PPM1L: variants seen among roughly 807,000 people sequenced by gnomAD.
PPM1L encodes protein phosphatase 1L.
Under a neutral mutation model 31.4 loss-of-function variants are expected in PPM1L, and 13 were observed. The observed-to-expected ratio is 0.41, with a 90% CI of 0.27 to 0.66. PPM1L has a LOEUF of 0.66. PPM1L is among the 30% of genes least tolerant of loss of function. The pLI is 0.29. For synonymous variants in PPM1L, 184 were observed against 175.4 expected (o/e 1.05, Z -0.39); for missense variants, 326 against 453.7 (o/e 0.72, Z 2.56).
At chr3:160,984,554 AGTAAAGACAG>A (rs1559913763) in intron 2 of PPM1L, among the ~76,000 whole-genome samples, 1 of 152,026 alleles carries the variant, frequency 6.6e-6, no homozygotes, top group Non-Finnish European at 1.5e-5. Context: ...AAGAGATTAA[AGTAAAGACAG>A]GTATAGGAAA....
chr3:160,856,629 A>T (rs1270007206), intron 1 of PPM1L, among the ~76,000 whole-genome samples: 2 of 152,098 alleles, frequency 1.3e-5, no homozygotes, highest in Non-Finnish European at 2.9e-5. Flanking sequence ...ACACTGAGAA[A>T]GGAGCAGACA....
chr3:160,863,927 G>A (rs1362977075), intron 1 of PPM1L, among the ~76,000 whole-genome samples: 1 of 152,062 alleles, frequency 6.6e-6, no homozygotes, highest in Admixed American at 6.5e-5. Context: ...ATGAATATTT[G>A]AGATGGAAAA....
intron 2 of PPM1L, among the ~76,000 whole-genome samples, chr3:161,033,895 G>A (rs12393869): frequency 0.062 from 9,504 of 152,270 alleles, 310 homozygotes; most frequent in African/African-American, 0.084. Flanking sequence ...TATCATCAGA[G>A]TGAACAGGCA....
chr3:160,765,706 A>G (rs1261883805), intron 1 of PPM1L, among the ~76,000 whole-genome samples: 1 of 152,226 alleles, frequency 6.6e-6, no homozygotes, highest in African/African-American at 2.4e-5. Flanking sequence ...GTCACAATAA[A>G]CAAAAATGAC....
At chr3:160,840,788 GGAGA>G (rs1039794900) in intron 1 of PPM1L, among the ~76,000 whole-genome samples, 2 of 150,032 alleles carry the variant, frequency 1.3e-5, no homozygotes, top group African/African-American at 4.9e-5. Context: ...GAGAGAGAGA[GGAGA>G]GAGAGAGAGA....
At chr3:160,784,803 T>A (rs984905026) in intron 1 of PPM1L, among the ~76,000 whole-genome samples, 14 of 152,182 alleles carry the variant, frequency 9.2e-5, no homozygotes, top group Non-Finnish European at 1.5e-5. Flanking sequence ...AGTTGGTTAG[T>A]TGAAAGGAAA....
At chr3:160,988,333 G>T (rs1428361445) in intron 2 of PPM1L, among the ~76,000 whole-genome samples, 1 of 152,186 alleles carries the variant, frequency 6.6e-6, no homozygotes, top group African/African-American at 2.4e-5. Context: ...CCTTGTTCTT[G>T]AAATGAGAAC....
chr3:161,055,390 G>C lies in PPM1L; in HGVS notation c.575-10013G>C, dbSNP rs371900830. ...GACCACAGTGTTGGCTGTGGAAGGT[G>C]GGGGCTGGAAACCTCTGCTGACAGT... On this transcript the variant is annotated intron_variant, in intron 2 of 3. Coordinates refer to ENST00000498165, the MANE Select transcript of PPM1L (RefSeq NM_139245.4). Among the ~76,000 whole-genome samples, 26 of 152,150 alleles carry C rather than the reference G, an allele frequency of 1.7e-4. No individual in the cohort carries two copies. In the East Asian group the frequency reaches 4.8e-3, roughly 28 times the overall value.
rs188506473 is a variant in PPM1L at position 160,780,130 on chromosome 3, C to T, written c.399+23423C>T. ...GCCTCAAACTCCTGGGCAAGTGATC[C>T]TCCCACCTCAGCTTCCTGAGTAGCT... is the stretch of plus-strand genomic sequence containing the variant. On this transcript the variant is annotated intron_variant, in intron 1 of 3. Transcript: ENST00000498165. Among the ~76,000 whole-genome samples the T allele has an allele frequency of 6.9e-3, 1,051 of 152,142 alleles. 19 individuals carry two copies. The highest frequency in any genetic ancestry group is 0.024 in the African/African-American group (1,007 of 41,510).
At chr3:160,822,302 C>G (rs1162846425) in intron 1 of PPM1L, among the ~76,000 whole-genome samples, 1 of 151,846 alleles carries the variant, frequency 6.6e-6, no homozygotes, top group South Asian at 2.1e-4. Context: ...ATCCCATGAT[C>G]CAGAACTCCA....
intron 1 of PPM1L, among the ~76,000 whole-genome samples, chr3:160,944,289 A>T (rs1032866457): frequency 7.2e-5 from 11 of 151,960 alleles, no homozygotes; most frequent in African/African-American, 2.2e-4. Context: ...TCTCATTATT[A>T]TGTGGTTCCT....
At chr3:160,972,505 C>G (rs1035312824) in intron 2 of PPM1L, among the ~76,000 whole-genome samples, 25 of 152,078 alleles carry the variant, frequency 1.6e-4, no homozygotes, top group Non-Finnish European at 2.5e-4. Context: ...CAGCTTCATC[C>G]ATGTCCCTAC....
chr3:161,055,954 T>C (rs1309461017), intron 2 of PPM1L, among the ~76,000 whole-genome samples: 1 of 152,328 alleles, frequency 6.6e-6, no homozygotes, highest in African/African-American at 2.4e-5. Context: ...CAACTTTCTC[T>C]ACTCCATCCA....
At chr3:160,824,912 C>T (rs566555488) in intron 1 of PPM1L, among the ~76,000 whole-genome samples, 6 of 151,928 alleles carry the variant, frequency 3.9e-5, no homozygotes, top group Non-Finnish European at 5.9e-5. Flanking sequence ...TTTCCTTCAG[C>T]TTAGTGTTTT....
chr3:160,970,447 A>ATT (rs1242719344), intron 2 of PPM1L, among the ~76,000 whole-genome samples: 12 of 21,400 alleles, frequency 5.6e-4, no homozygotes, highest in Admixed American at 5.6e-3. Flanking sequence ...CAAGCTGAAT[A>ATT]TTTTTTTTTT....
intron 1 of PPM1L, among the ~76,000 whole-genome samples, chr3:160,836,365 G>A (rs1353505724): frequency 6.6e-6 from 1 of 152,016 alleles, no homozygotes; most frequent in Non-Finnish European, 1.5e-5. Context: ...AGACAGACAG[G>A]TTAGCAGTGT....
chr3:160,812,157 C>G (rs1034981368), intron 1 of PPM1L, among the ~76,000 whole-genome samples: 1 of 152,224 alleles, frequency 6.6e-6, no homozygotes, highest in African/African-American at 2.4e-5. Context: ...GCACTGGATA[C>G]TTATCCAAGT....
chr3:160,789,534 C>G (rs1393539769), intron 1 of PPM1L, among the ~76,000 whole-genome samples: 1 of 151,812 alleles, frequency 6.6e-6, no homozygotes, highest in East Asian at 1.9e-4. Context: ...GGTTCTGTTT[C>G]TAGAATTTCA....
chr3:160,913,662 T>G (rs2108064710), intron 1 of PPM1L, among the ~76,000 whole-genome samples: 1 of 152,296 alleles, frequency 6.6e-6, no homozygotes, highest in South Asian at 2.1e-4. Context: ...ATATGTACTC[T>G]TATATCTGGC....
Sources: gnomAD v4.1 joint callset for allele counts (sites outside exome capture counted in the v4.1 genomes callset) on GRCh38, gnomAD v4.1.1 for gene constraint, MANE v1.5 for transcripts, NCBI Gene and HGNC (gene_info 2026-07-23, HGNC 2026-07-21) for gene names.